The following NKX2-2 variants were observed in gnomAD, a reference collection of about 807,000 sequenced individuals.
The protein encoded by NKX2-2 is homeobox protein Nkx-2.2.
NKX2-2 carries 8 observed loss-of-function variants against 24.6 expected under a neutral mutation model. That is an observed-to-expected ratio of 0.32 (90% CI 0.19 to 0.59). The LOEUF is 0.59. NKX2-2 is among the 20% of genes least tolerant of loss of function. The pLI is 0.86. For missense variants in NKX2-2, 381 were observed against 373.9 expected (o/e 1.02, Z -0.16); for synonymous variants, 217 against 173.3 (o/e 1.25, Z -1.98).
chr20:21,515,598 G>GC (rs956785138), upstream of NKX2-2, among the ~76,000 whole-genome samples: 1 of 131,734 alleles, frequency 7.6e-6, no homozygotes, highest in African/African-American at 3.4e-5. Flanking sequence ...AAACTTTTTT[G>GC]GGGGGGGGGT....
Position 21,512,487 on chromosome 20 carries a change from TG to T in NKX2-2, c.260-3del, listed in dbSNP as rs758553088. ...GCGCCCCGGCAGCCAGACCGTGCAC[TG>T]GGGGGAGGGGGAGAGAGAAGCGCGT... is the stretch of plus-strand genomic sequence containing the variant. On this transcript the variant is annotated splice_region_variant and splice_polypyrimidine_tract_variant and intron_variant, in intron 1 of 1. Coordinates refer to ENST00000377142, the MANE Select transcript of NKX2-2 (RefSeq NM_002509.4). 2.6e-6 allele frequency: 4 copies of T among 1,554,280 alleles called. No homozygotes were observed. Among genetic ancestry groups the T allele is most frequent in the Non-Finnish European group, 3.5e-6 (4 of 1,157,702 alleles).
chr20:21,512,924 T>A (rs1980496250), intron 1 of NKX2-2, among the ~76,000 whole-genome samples: 1 of 152,180 alleles, frequency 6.6e-6, no homozygotes, highest in African/African-American at 2.4e-5. Context: ...TTTCGGGCCT[T>A]CTAGACACCC....
chr20:21,518,862 T>C (rs1201830340), upstream of NKX2-2, among the ~76,000 whole-genome samples: 11 of 152,190 alleles, frequency 7.2e-5, no homozygotes, highest in Non-Finnish European at 2.9e-5. Context: ...AGAAGTGGGC[T>C]CCGTGGACGG....
chr20:21,512,464 GC>G lies in NKX2-2; in HGVS notation c.280del (p.Ala94ArgfsTer90). 6.3e-7 allele frequency: 1 copy of G among 1,575,614 alleles called. No homozygotes were observed. On this transcript the variant is annotated frameshift_variant, in exon 2 of 2. Coordinates refer to ENST00000377142, the MANE Select transcript of NKX2-2 (RefSeq NM_002509.4). LOFTEE classifies it high-confidence loss of function. ...QYSLHGLAAGAPPQDSSSKSP... is the reference protein window; with the variant it reads ...QYSLHGLAAGXPPQDSSSKSP... ...CTTGGAGCTTGAGTCCTGAGGGGGCGCCCCGGCAGCCAGACCGTGCACTGGG... is the reference window on the plus strand; with the variant it reads ...CTTGGAGCTTGAGTCCTGAGGGGGCGCCCGGCAGCCAGACCGTGCACTGGG...
At position 21,513,450 on chromosome 20, in the gene NKX2-2, T is replaced by C; in HGVS notation, c.220A>G (p.Thr74Ala). The stretch of plus-strand genomic sequence containing the variant: ...CCCTCGGTGCTGGCCAGCCAGCGCG[T>C]GTACGGGTTGTCGCTGCTGTCGTAG... ...PFYDSSDNPY[T>A]RWLASTEGLQ... The change falls in exon 1 of 2, where the codon ACG becomes GCG. Residue 74 changes from threonine (T) to alanine (A), a missense_variant. Physicochemically the swap from Thr to Ala is moderately conservative, Grantham distance 58 (BLOSUM62 0). This residue lies in a region of NKX2-2 where 206 missense variants were observed against 173.1 expected (regional missense o/e 1.19). Transcript: ENST00000377142. The surrounding 1 kb of genome is among the most constrained non-coding windows in gnomAD (Gnocchi z 4.6). The C allele has an allele frequency of 1.2e-6, 2 of 1,601,188 alleles. No homozygotes were observed. The highest frequency in any genetic ancestry group is 1.7e-6 in the Non-Finnish European group (2 of 1,173,894).
chr20:21,512,552 G>A (rs1159070899), intron 1 of NKX2-2, 67 bp from the exon 2 acceptor site: 3 of 1,214,444 alleles, frequency 2.5e-6, no homozygotes, highest in South Asian at 1.5e-5. Context: ...CACCAGACTC[G>A]GAGCACCCTG....
chr20:21,515,368 C>T (rs1306752032), upstream of NKX2-2, among the ~76,000 whole-genome samples: 2 of 151,506 alleles, frequency 1.3e-5, no homozygotes. Context: ...GTTTTCTCCC[C>T]AGTTTTCTTC....
At chr20:21,515,117 C>T (rs3787502), upstream of NKX2-2, among the ~76,000 whole-genome samples, 668 of 152,252 alleles carry the variant, frequency 4.4e-3, 22 homozygotes, top group East Asian at 0.078. Context: ...CCTGCTGCCT[C>T]TGGGCTCTGC....
the NKX2-2 span, among the ~76,000 whole-genome samples, chr20:21,520,899 G>C: frequency 1.3e-5 from 2 of 152,168 alleles, no homozygotes; most frequent in African/African-American, 4.8e-5. Context: ...GTTTCTCCAG[G>C]AAACACGCGC....
upstream of NKX2-2, among the ~76,000 whole-genome samples, chr20:21,517,206 G>T (rs1028857620): frequency 6.6e-6 from 1 of 152,200 alleles, no homozygotes; most frequent in African/African-American, 2.4e-5. Context: ...TCAGCTTGCG[G>T]TGTCCTCTTG....
chr20:21,518,648 G>A (rs967020805), upstream of NKX2-2, among the ~76,000 whole-genome samples: 1 of 152,216 alleles, frequency 6.6e-6, no homozygotes, highest in Non-Finnish European at 1.5e-5. Context: ...TCAAACACGA[G>A]CGCCTTTTCT....
Position 21,511,983 on chromosome 20 carries a change from G to C in NKX2-2, c.762C>G (p.Ala254=). Residue 254 remains alanine (A), a synonymous_variant, in exon 2 of 2, where the codon GCC becomes GCG. Transcript: ENST00000377142. The part of the protein sequence containing the change: ...HMQYNAQYSS[A]STPQYPTAHP... ...GTGCTGTCGGGTACTGGGGGGTGCT[G>C]GCCGAGCTGTACTGGGCGTTGTACT... 1 of 1,612,024 alleles carries C rather than the reference G, an allele frequency of 6.2e-7. No individual in the cohort carries two copies. The highest frequency in any genetic ancestry group is 8.5e-7 in the Non-Finnish European group (1 of 1,179,540).
upstream of NKX2-2, among the ~76,000 whole-genome samples, chr20:21,515,267 G>A (rs1219943405): frequency 2.0e-5 from 3 of 151,856 alleles, no homozygotes; most frequent in African/African-American, 7.3e-5. Context: ...GCGGGATTGC[G>A]GGGGTGGGGG....
rs991080855 is a variant in NKX2-2, at chr20:21,513,600, C to G, written c.70G>C (p.Glu24Gln). 6.2e-7 allele frequency: 1 copy of G among 1,613,308 alleles called. No homozygotes were observed. Among genetic ancestry groups the G allele is most frequent in the Non-Finnish European group, 8.5e-7 (1 of 1,179,634 alleles). ...DILDLPDTND[E>Q]EGSVAEGPEE... ...GGACCTTCGGCCACAGAGCCCTCCT[C>G]ATCGTTGGTGTCCGGCAGGTCTAAG... is the stretch of plus-strand genomic sequence containing the variant. Residue 24 changes from glutamate (E) to glutamine (Q), a missense_variant, in exon 1 of 2, where the codon GAG becomes CAG. Around this residue, in one of 3 missense-constraint regions of NKX2-2, gnomAD observed 206 missense variants for 173.1 expected, o/e 1.19. Coordinates refer to ENST00000377142, the MANE Select transcript of NKX2-2 (RefSeq NM_002509.4). This position sits in a 1 kb window ranked among gnomAD's most constrained non-coding sequence, Gnocchi z 4.6.
At chr20:21,520,004 GT>G in the NKX2-2 span, among the ~76,000 whole-genome samples, 583 of 148,066 alleles carry the variant, frequency 3.9e-3, 4 homozygotes, top group African/African-American at 7.2e-3. Context: ...CCTAAGGTGA[GT>G]TTTTTTTTTT....
upstream of NKX2-2, among the ~76,000 whole-genome samples, chr20:21,517,649 GCAAGTCCGGTGC>G (rs1344611405): frequency 2.0e-5 from 3 of 152,200 alleles, no homozygotes; most frequent in African/African-American, 7.2e-5. Flanking sequence ...GGCGGCCAGG[GCAAGTCCGGTGC>G]CCAGAGCACA....
Position 21,512,046 on chromosome 20 carries a change from G to C in NKX2-2, c.699C>G (p.Pro233=), listed in dbSNP as rs949608154. 1.2e-6 allele frequency: 2 copies of C among 1,613,678 alleles called. No individual in the cohort carries two copies. Among genetic ancestry groups the C allele is most frequent in the Admixed American group, 1.7e-5 (1 of 60,014 alleles). ...LAAATFQAGI[P]FSAYSAQSLQ... ...GCGACTGCGCGCTGTAGGCAGAAAA[G>C]GGAATGCCCGCCTGGAAGGTGGCGG... The change falls in exon 2 of 2, where the codon CCC becomes CCG. Residue 233 remains proline (P), a synonymous_variant. Transcript: ENST00000377142.
Position 21,513,567 on chromosome 20 carries a change from C to G in NKX2-2, c.103G>C (p.Glu35Gln). The change falls in exon 1 of 2, where the codon GAG becomes CAG. Residue 35 changes from glutamate to glutamine, a missense_variant. Around this residue, in one of 3 missense-constraint regions of NKX2-2, gnomAD observed 206 missense variants for 173.1 expected, o/e 1.19. Transcript: ENST00000377142. This position sits in a 1 kb window ranked among gnomAD's most constrained non-coding sequence, Gnocchi z 4.6. ...EGSVAEGPEE[E>Q]NEGPEPAKRA... ...TTGGCTGGCTCGGGCCCCTCGTTCT[C>G]TTCCTCCGGACCTTCGGCCACAGAG... 5 of 1,613,754 alleles carry G rather than the reference C, an allele frequency of 3.1e-6. No homozygotes were observed. The highest frequency in any genetic ancestry group is 4.2e-6 in the Non-Finnish European group (5 of 1,179,832).
Position 21,513,339 on chromosome 20 carries a change from A to G in NKX2-2, c.259+72T>C. On this transcript the variant is annotated intron_variant, in intron 1 of 1. Coordinates refer to ENST00000377142, the MANE Select transcript of NKX2-2 (RefSeq NM_002509.4). The surrounding 1 kb of genome is among the most constrained non-coding windows in gnomAD (Gnocchi z 4.6). ...CATGGCCCCTTCCCCTTTCACTCCCAGCGTCCAACCCGGGCTGCGGCTGCA... is the reference window on the plus strand; with the variant it reads ...CATGGCCCCTTCCCCTTTCACTCCCGGCGTCCAACCCGGGCTGCGGCTGCA... The G allele has an allele frequency of 6.8e-7, 1 of 1,460,026 alleles. No individual in the cohort carries two copies. The allele number at this position is 1,460,026 out of a possible 1,614,324, so 90.4% of individuals were successfully genotyped here. A position where few individuals can be genotyped will look rare whatever the true frequency, so the allele number is the denominator to read the frequency against.
Sources: allele counts gnomAD v4.1 joint callset (sites outside exome capture counted in the v4.1 genomes callset), GRCh38; gene constraint gnomAD v4.1.1; regional missense constraint gnomAD v4.1.1; non-coding constraint Gnocchi (gnomAD v3.1); transcripts MANE v1.5; gene names NCBI Gene and HGNC (gene_info 2026-07-23, HGNC 2026-07-21).